MYH15: variants seen among roughly 807,000 people sequenced by gnomAD.
MYH15 encodes the protein myosin heavy chain 15.
Under a neutral mutation model 240.5 loss-of-function variants are expected in MYH15, and 227 were observed. That is an observed-to-expected ratio of 0.94 (90% CI 0.85 to 1.05). The LOEUF is 1.05. MYH15 is among the 50% of genes least tolerant of loss of function. The pLI is 0.00. For synonymous variants in MYH15, 785 were observed against 796.7 expected, an observed-to-expected ratio of 0.99 and a Z score of 0.25; for missense variants, 2,217 against 2,247.5, an observed-to-expected ratio of 0.99 and a Z score of 0.27.
chr3:108,406,508 A>C (rs1440482439), intron 32 of MYH15, among the ~76,000 whole-genome samples: 1 of 152,218 alleles, frequency 6.6e-6, no homozygotes, highest in Non-Finnish European at 1.5e-5. Context: ...ATTTCCTCAG[A>C]GGGAATAGTG....
At chr3:108,535,159 C>T in the MYH15 span, among the ~76,000 whole-genome samples, 1 of 152,088 alleles carries the variant, frequency 6.6e-6, no homozygotes, top group Non-Finnish European at 1.5e-5. Context: ...GTTAGAAATG[C>T]AAATTCTTGA....
intron 11 of MYH15, among the ~76,000 whole-genome samples, chr3:108,483,711 G>T (rs924025395): frequency 6.6e-6 from 1 of 152,186 alleles, no homozygotes; most frequent in Non-Finnish European, 1.5e-5. Context: ...ATAGACTGAT[G>T]AAAAGATAAG....
chr3:108,401,751 G>A (rs1259592822), intron 33 of MYH15, among the ~76,000 whole-genome samples: 1 of 152,200 alleles, frequency 6.6e-6, no homozygotes, highest in African/African-American at 2.4e-5. Flanking sequence ...AACTTCATGA[G>A]TGCCTGCAGA....
chr3:108,403,747 C>G (rs1390255138), intron 33 of MYH15, among the ~76,000 whole-genome samples: 2 of 151,990 alleles, frequency 1.3e-5, no homozygotes, highest in Non-Finnish European at 2.9e-5. Context: ...GCCTCCAGTC[C>G]ACCCCTTCTT....
At chr3:108,520,041 G>A (rs189370849) in intron 1 of MYH15, among the ~76,000 whole-genome samples, 6 of 152,042 alleles carry the variant, frequency 3.9e-5, no homozygotes, top group Admixed American at 3.9e-4. Context: ...ACAATTTTTT[G>A]AACATTCAAT....
intron 12 of MYH15, among the ~76,000 whole-genome samples, chr3:108,471,213 G>A (rs999360732): frequency 6.6e-6 from 1 of 151,960 alleles, no homozygotes; most frequent in East Asian, 1.9e-4. Flanking sequence ...CAGATGAGAG[G>A]AATCATGTTC....
intron 21 of MYH15, among the ~76,000 whole-genome samples, chr3:108,448,268 C>T (rs1366311874): frequency 4.6e-5 from 7 of 151,954 alleles, no homozygotes; most frequent in Non-Finnish European, 1.0e-4. Flanking sequence ...TTAATAATTA[C>T]TTTAAATATA....
intron 1 of MYH15, among the ~76,000 whole-genome samples, chr3:108,520,946 T>A (rs902184394): frequency 1.4e-4 from 22 of 152,100 alleles, no homozygotes; most frequent in African/African-American, 5.1e-4. Flanking sequence ...AACAACCTTG[T>A]AAGATAGGGT....
At chr3:108,483,248 A>C (rs1023370386) in intron 11 of MYH15, among the ~76,000 whole-genome samples, 2 of 152,012 alleles carry the variant, frequency 1.3e-5, no homozygotes, top group African/African-American at 4.8e-5. Context: ...ACAACAACAA[A>C]AAAATCCTAA....
At chr3:108,484,645 A>T (rs946528226) in intron 11 of MYH15, among the ~76,000 whole-genome samples, 4 of 151,834 alleles carry the variant, frequency 2.6e-5, no homozygotes, top group African/African-American at 9.7e-5. Flanking sequence ...CGCCTGGCCA[A>T]TTTTTTGTAT....
chr3:108,420,737 T>G (rs2082676150), intron 28 of MYH15, among the ~76,000 whole-genome samples: 1 of 152,168 alleles, frequency 6.6e-6, no homozygotes, highest in Admixed American at 6.5e-5. Flanking sequence ...ATTAAAAATT[T>G]TAAAAAATTT....
chr3:108,416,444 A>G (rs2082633082), intron 29 of MYH15, among the ~76,000 whole-genome samples: 2 of 152,322 alleles, frequency 1.3e-5, no homozygotes, highest in South Asian at 4.1e-4. Flanking sequence ...TTTATTGACA[A>G]TTTAAAAGTA....
intron 24 of MYH15, among the ~76,000 whole-genome samples, chr3:108,438,806 A>G (rs2082862028): frequency 6.6e-6 from 1 of 152,150 alleles, no homozygotes; most frequent in African/African-American, 2.4e-5. Context: ...CACCCAGTTT[A>G]TGGTATTTTA....
At chr3:108,535,182 C>G in the MYH15 span, among the ~76,000 whole-genome samples, 12 of 152,110 alleles carry the variant, frequency 7.9e-5, no homozygotes, top group African/African-American at 2.9e-4. Flanking sequence ...TGTCCCAGAC[C>G]TACTAAATTA....
At chr3:108,505,140 G>A (rs546848812) in intron 2 of MYH15, among the ~76,000 whole-genome samples, 1 of 152,202 alleles carries the variant, frequency 6.6e-6, no homozygotes, top group South Asian at 2.1e-4. Context: ...TAAAAATACT[G>A]ACTTGAAACA....
At chr3:108,447,496 A>C (rs2082938309) in intron 21 of MYH15, among the ~76,000 whole-genome samples, 1 of 152,228 alleles carries the variant, frequency 6.6e-6, no homozygotes, top group South Asian at 2.1e-4. Flanking sequence ...ATATAATGAA[A>C]CCCTCATGAG....
chr3:108,383,257 C>T (rs2082356631), intron 40 of MYH15, among the ~76,000 whole-genome samples: 1 of 152,142 alleles, frequency 6.6e-6, no homozygotes, highest in African/African-American at 2.4e-5. Flanking sequence ...TGAGCCGATC[C>T]ATCTGTGCTT....
chr3:108,411,580 G>T (rs1440948503), intron 30 of MYH15, among the ~76,000 whole-genome samples: 5 of 152,128 alleles, frequency 3.3e-5, no homozygotes, highest in Non-Finnish European at 7.4e-5. Context: ...TCTCTGAGAT[G>T]GAGTAATTTA....
At chr3:108,526,299 TA>T (rs1559677638) in intron 1 of MYH15, among the ~76,000 whole-genome samples, 1 of 152,212 alleles carries the variant, frequency 6.6e-6, no homozygotes, top group African/African-American at 2.4e-5. Flanking sequence ...TATTTGCACA[TA>T]GAGCTTCTAT....
Sources: gnomAD v4.1 joint callset for allele counts (sites outside exome capture counted in the v4.1 genomes callset) on GRCh38, gnomAD v4.1.1 for gene constraint, MANE v1.5 for transcripts, NCBI Gene and HGNC (gene_info 2026-07-23, HGNC 2026-07-21) for gene names.